The following WDR27 variants were observed in gnomAD, a reference collection of about 807,000 sequenced individuals.
WDR27 encodes the protein WD repeat domain 27.
A neutral mutation model predicts 114.4 loss-of-function variants in WDR27; 100 were observed. That is an observed-to-expected ratio of 0.87 (90% CI 0.74 to 1.03). The LOEUF (loss-of-function observed/expected upper bound fraction) is 1.03, where lower values mean the gene tolerates loss of function less well. Among genes scored for constraint, WDR27 ranks in the 50% least tolerant of loss-of-function variants. The pLI is 0.00. For missense variants in WDR27, 1,129 were observed against 1,092.9 expected, an observed-to-expected ratio of 1.03 and a Z score of -0.47; for synonymous variants, 449 against 423.1, an observed-to-expected ratio of 1.06 and a Z score of -0.75.
intron 23 of WDR27, among the ~76,000 whole-genome samples, chr6:169,591,745 G>A (rs941060166): frequency 1.3e-5 from 2 of 152,146 alleles, no homozygotes; most frequent in Non-Finnish European, 2.9e-5. Context: ...GGTGCTGCCC[G>A]CTGGTCTAAC....
intron 1 of WDR27, among the ~76,000 whole-genome samples, chr6:169,696,667 C>G (rs1226823403): frequency 6.6e-6 from 1 of 152,232 alleles, no homozygotes; most frequent in Non-Finnish European, 1.5e-5. Flanking sequence ...GTATTCCCAG[C>G]ACTTTGGGAG....
intron 17 of WDR27, among the ~76,000 whole-genome samples, chr6:169,639,179 C>A (rs1818510941): frequency 8.5e-6 from 1 of 117,286 alleles, no homozygotes; most frequent in African/African-American, 3.4e-5. Flanking sequence ...GTGCTGGGTA[C>A]TGTGTGGAGC....
chr6:169,435,563 A>G, the WDR27 span, among the ~76,000 whole-genome samples: 1 of 152,166 alleles, frequency 6.6e-6, no homozygotes, highest in Non-Finnish European at 1.5e-5. Flanking sequence ...GTCAAAGGAG[A>G]TTATTTTGTA....
intron 17 of WDR27, among the ~76,000 whole-genome samples, chr6:169,642,988 C>A (rs888109095): frequency 6.6e-6 from 1 of 152,282 alleles, no homozygotes; most frequent in East Asian, 1.9e-4. Context: ...GATGCTTCAA[C>A]GAGCATCTCC....
chr6:169,607,347 T>C (rs1300240000), intron 22 of WDR27, among the ~76,000 whole-genome samples: 4 of 151,652 alleles, frequency 2.6e-5, no homozygotes, highest in African/African-American at 9.7e-5. Context: ...TAAGTGCCCA[T>C]TAACAGGCGA....
chr6:169,668,299 A>T, intron 4 of WDR27, 114 bp from the exon 5 acceptor site: 1 of 1,015,712 alleles, frequency 9.8e-7, no homozygotes, highest in Non-Finnish European at 1.5e-6. Context: ...CGACAGGCAC[A>T]GTCTCAGCAG....
chr6:169,530,431 T>A (rs1025540752), intron 25 of WDR27, among the ~76,000 whole-genome samples: 8 of 152,240 alleles, frequency 5.3e-5, no homozygotes, highest in African/African-American at 1.9e-4. Flanking sequence ...TTTCTTGTTC[T>A]ACGTATCAAC....
chr6:169,655,740 G>A (rs150200200), intron 13 of WDR27, among the ~76,000 whole-genome samples: 5,515 of 152,184 alleles, frequency 0.036, 144 homozygotes, highest in Non-Finnish European at 0.047. Context: ...TATTTTTTGA[G>A]ACGGAGTCTC....
At position 169,632,978 on chromosome 6, in the gene WDR27, G is replaced by A. The variant is rs1214145396; in HGVS notation, c.2192C>T (p.Ser731Leu). 3 of 1,594,738 alleles carry A rather than the reference G, an allele frequency of 1.9e-6. No homozygotes were observed. Among genetic ancestry groups the A allele is most frequent in the Non-Finnish European group, 2.6e-6 (3 of 1,164,622 alleles). The change falls in exon 21 of 26, where the codon TCA (serine) becomes TTA (leucine). Residue 731 changes from serine to leucine, a missense_variant. Transcript: ENST00000448612. The part of the protein sequence containing the change: ...CSAAVIAEAH[S>L]RPVHQICQNK... ...TTGGCAGATTTGATGGACAGGCCGT[G>A]AGTGGGCTTCCGCTATCACCGCTGC...
chr6:169,539,699 T>A (rs1796611778), intron 25 of WDR27, among the ~76,000 whole-genome samples: 1 of 152,086 alleles, frequency 6.6e-6, no homozygotes, highest in Non-Finnish European at 1.5e-5. Context: ...TCAAAACCAG[T>A]TTGTGTCCTG....
the WDR27 span, among the ~76,000 whole-genome samples, chr6:169,446,127 C>G: frequency 1.3e-5 from 2 of 152,274 alleles, no homozygotes; most frequent in Non-Finnish European, 2.9e-5. Context: ...AGGGCGAGCA[C>G]TCGGCTCCCT....
intron 15 of WDR27, among the ~76,000 whole-genome samples, chr6:169,648,229 G>A (rs748215794): frequency 5.3e-5 from 8 of 152,172 alleles, no homozygotes; most frequent in Admixed American, 6.5e-5. Flanking sequence ...TGTGGGTGGC[G>A]TTGTAATGCT....
At chr6:169,447,141 A>T in the WDR27 span, among the ~76,000 whole-genome samples, 3 of 152,172 alleles carry the variant, frequency 2.0e-5, no homozygotes, top group African/African-American at 7.2e-5. Flanking sequence ...TTCTGTACTA[A>T]TTTTTTTCTT....
At chr6:169,441,732 C>T in the WDR27 span, among the ~76,000 whole-genome samples, 1 of 152,332 alleles carries the variant, frequency 6.6e-6, no homozygotes, top group Middle Eastern at 3.4e-3. Flanking sequence ...TCTTTCACAA[C>T]AATGCATAAC....
chr6:169,678,121 G>A (rs1780537289), intron 2 of WDR27, among the ~76,000 whole-genome samples: 3 of 152,334 alleles, frequency 2.0e-5, no homozygotes, highest in Admixed American at 2.0e-4. Context: ...GTGAGAAGAG[G>A]GGCACCATCA....
rs146022806 is a variant in WDR27 at position 169,621,590 on chromosome 6, G to A, written c.2224-7934C>T. ...TGCATATACATACACATGCACGCAC[G>A]CATATACATACCCACACATGCATTC... is the stretch of plus-strand genomic sequence containing the variant. On this transcript the variant is annotated intron_variant, in intron 21 of 25. Transcript: ENST00000448612. 1.7e-3 allele frequency among the ~76,000 whole-genome samples: 222 copies of A among 128,600 alleles called. 2 individuals carry two copies. The highest frequency in any genetic ancestry group is 6.0e-3 in the African/African-American group (201 of 33,778). 84.4% of individuals were successfully genotyped at this position (128,600 alleles called of 152,430 possible). A position where few individuals can be genotyped will look rare whatever the true frequency, so the allele number is the denominator to read the frequency against.
At chr6:169,623,463 A>C (rs1813845955) in intron 21 of WDR27, among the ~76,000 whole-genome samples, 2 of 152,180 alleles carry the variant, frequency 1.3e-5, no homozygotes, top group Admixed American at 1.3e-4. Context: ...TAGGCAGCAG[A>C]CAAGGTGAAC....
intron 21 of WDR27, among the ~76,000 whole-genome samples, chr6:169,628,213 G>A (rs916530853): frequency 2.6e-5 from 4 of 152,054 alleles, no homozygotes; most frequent in African/African-American, 4.8e-5. Flanking sequence ...GGAAGGCCCC[G>A]CCACTCAAGC....
chr6:169,650,475 TCATC>T (rs1163412958), intron 14 of WDR27, among the ~76,000 whole-genome samples: 32 of 142,418 alleles, frequency 2.2e-4, no homozygotes, highest in Admixed American at 1.8e-3. Flanking sequence ...ATCCACCCAC[TCATC>T]CATCCGTCTC....
Sources: gnomAD v4.1 joint callset for allele counts (sites outside exome capture counted in the v4.1 genomes callset) on GRCh38, gnomAD v4.1.1 for gene constraint, MANE v1.5 for transcripts, NCBI Gene and HGNC (gene_info 2026-07-23, HGNC 2026-07-21) for gene names.